Variants in RPS6KA2 observed in about 807,000 individuals in gnomAD.
RPS6KA2 encodes the protein ribosomal protein S6 kinase A2, also known as ribosomal protein S6 kinase alpha-2.
Under a neutral mutation model 91.8 loss-of-function variants are expected in RPS6KA2, and 42 were observed. That is an observed-to-expected ratio of 0.46 (90% CI 0.36 to 0.59). The LOEUF (loss-of-function observed/expected upper bound fraction) is 0.59, where lower values mean the gene tolerates loss of function less well. RPS6KA2 is among the 20% of genes least tolerant of loss of function. RPS6KA2 has a pLI of 0.00. For missense variants in RPS6KA2, 798 were observed against 978.5 expected (o/e 0.82, Z 2.46); for synonymous variants, 414 against 393.6 (o/e 1.05, Z -0.61).
chr6:166,576,078 G>A lies in RPS6KA2; in HGVS notation c.100-37294C>T, dbSNP rs567310040. ...TCAGGAGATGTGATGGGTTTATCAG[G>A]GGCTTCTGCCTTTGCTTCTTTCTCA... On this transcript the variant is annotated intron_variant, in intron 1 of 20. Transcript: ENST00000265678. Among the ~76,000 whole-genome samples, 9 of 152,206 alleles carry A rather than the reference G, an allele frequency of 5.9e-5. No homozygotes were observed. The South Asian group carries it at 1.0e-3, about 18-fold the overall frequency.
At chr6:166,775,865 G>A (rs998983368) in intron 2 of RPS6KA2, among the ~76,000 whole-genome samples, 3 of 152,256 alleles carry the variant, frequency 2.0e-5, no homozygotes, top group Non-Finnish European at 2.9e-5. Flanking sequence ...AGGCAAAGGC[G>A]CACAGAGAGG....
chr6:166,465,756 G>GTT (rs1562513075), intron 11 of RPS6KA2, among the ~76,000 whole-genome samples: 2 of 152,184 alleles, frequency 1.3e-5, no homozygotes, highest in African/African-American at 4.8e-5. Context: ...GGATGATGGC[G>GTT]TTATGGGACA....
Position 166,420,044 on chromosome 6 carries a change from G to A in RPS6KA2, c.1744-86C>T, listed in dbSNP as rs553176915. ...CGTTTCTCCAGCGGCATCCTACGCC[G>A]GCAAGCTGGGGACCAGGAGGAGGGC... On this transcript the variant is annotated intron_variant, in intron 17 of 20. Transcript: ENST00000265678. 64 of 1,264,596 alleles carry A rather than the reference G, an allele frequency of 5.1e-5. 1 individual carries two copies. In the Admixed American group the frequency reaches 8.1e-4, roughly 16 times the overall value. 78.3% of individuals were successfully genotyped at this position (1,264,596 alleles called of 1,614,324 possible).
At chr6:166,736,117 G>A (rs78552798) in intron 2 of RPS6KA2, among the ~76,000 whole-genome samples, 2,248 of 152,278 alleles carry the variant, frequency 0.015, 25 homozygotes, top group Non-Finnish European at 0.02. Context: ...AAGTAAGTTG[G>A]ACATAAAATC....
intron 2 of RPS6KA2, among the ~76,000 whole-genome samples, chr6:166,681,684 CT>C (rs1788812865): frequency 1.0e-4 from 3 of 30,014 alleles, no homozygotes; most frequent in African/African-American, 6.1e-4. Flanking sequence ...GGATCTCCCC[CT>C]GCCCGCCCCC....
intron 2 of RPS6KA2, among the ~76,000 whole-genome samples, chr6:166,738,256 A>G (rs997116323): frequency 2.6e-5 from 4 of 152,262 alleles, no homozygotes; most frequent in African/African-American, 9.6e-5. Context: ...CCTGAAAGCC[A>G]CTGTTTTGGA....
Position 166,860,954 on chromosome 6 carries a change from TC to T in RPS6KA2, c.63+1153del, listed in dbSNP as rs147386805. Among the ~76,000 whole-genome samples, 227 of 152,270 alleles carry T rather than the reference TC, an allele frequency of 1.5e-3. 1 individual carries two copies. Among genetic ancestry groups the T allele is most frequent in the African/African-American group, 5.2e-3 (215 of 41,554 alleles). On this transcript the variant is annotated intron_variant, in intron 1 of 21. Coordinates refer to the RPS6KA2 transcript ENST00000503859. ...GTAGGGAGCCCTGGTGTCATCCTTCTCCCACCCCAGGTACTTTCCATGAGCA... is the reference window on the plus strand; with the variant it reads ...GTAGGGAGCCCTGGTGTCATCCTTCTCCACCCCAGGTACTTTCCATGAGCA...
At chr6:166,620,850 G>A (rs1456564827) in intron 1 of RPS6KA2, among the ~76,000 whole-genome samples, 1 of 152,248 alleles carries the variant, frequency 6.6e-6, no homozygotes. Flanking sequence ...TCAGTGGTTT[G>A]GCAAGGGAGA....
Position 166,437,423 on chromosome 6 carries a change from C to A in RPS6KA2, c.1333-4933G>T, listed in dbSNP as rs1238883795. On this transcript the variant is annotated intron_variant, in intron 14 of 20. Coordinates refer to ENST00000265678, the MANE Select transcript of RPS6KA2 (RefSeq NM_021135.6). This position sits in a 1 kb window ranked among gnomAD's most constrained non-coding sequence, Gnocchi z 4.3. ...ACAAGGCCTCCCCTCCAGGCTGACGCTCAAATAATGCTGACGCGCCACGGA... is the reference window on the plus strand; with the variant it reads ...ACAAGGCCTCCCCTCCAGGCTGACGATCAAATAATGCTGACGCGCCACGGA... Among the ~76,000 whole-genome samples, 4 of 152,200 alleles carry A rather than the reference C, an allele frequency of 2.6e-5. No homozygotes were observed. Among genetic ancestry groups the A allele is most frequent in the African/African-American group, 9.6e-5 (4 of 41,462 alleles).
chr6:166,734,391 G>A (rs1790614613), intron 2 of RPS6KA2, among the ~76,000 whole-genome samples: 2 of 152,156 alleles, frequency 1.3e-5, no homozygotes, highest in Non-Finnish European at 2.9e-5. Flanking sequence ...CTACCCAAAC[G>A]GAAGAGCAAT....
chr6:166,545,833 A>C (rs188510318), intron 1 of RPS6KA2, among the ~76,000 whole-genome samples: 1 of 152,348 alleles, frequency 6.6e-6, no homozygotes, highest in African/African-American at 2.4e-5. Flanking sequence ...AGTTGTGCTT[A>C]TAAACGGTGA....
At chr6:166,725,389 G>C (rs1790303782) in intron 2 of RPS6KA2, among the ~76,000 whole-genome samples, 1 of 152,200 alleles carries the variant, frequency 6.6e-6, no homozygotes, top group African/African-American at 2.4e-5. Context: ...TAATGACAGA[G>C]ACTAGGTAGG....
At chr6:166,440,369 A>G (rs1412364373) in intron 14 of RPS6KA2, 1 of 152,242 alleles carries the variant, frequency 6.6e-6, no homozygotes, top group African/African-American at 2.4e-5. Context: ...AAACAAAACC[A>G]TAAGCCAATC....
chr6:166,514,172 C>T (rs1054603756), intron 3 of RPS6KA2, among the ~76,000 whole-genome samples: 6 of 152,182 alleles, frequency 3.9e-5, no homozygotes. Context: ...GCCGCTTGGC[C>T]TCAAATTCCT....
intron 2 of RPS6KA2, among the ~76,000 whole-genome samples, chr6:166,680,451 T>C (rs973836344): frequency 6.6e-6 from 1 of 152,218 alleles, no homozygotes; most frequent in East Asian, 1.9e-4. Context: ...CTGGTCCCCT[T>C]CCACGTTGTG....
chr6:166,717,334 C>T (rs189740013), intron 2 of RPS6KA2, among the ~76,000 whole-genome samples: 7 of 152,256 alleles, frequency 4.6e-5, no homozygotes, highest in Admixed American at 3.9e-4. Flanking sequence ...GGCCCAGGTG[C>T]GCTGTAGGAG....
At chr6:166,812,550 C>G (rs894089395) in intron 2 of RPS6KA2, among the ~76,000 whole-genome samples, 1 of 152,026 alleles carries the variant, frequency 6.6e-6, no homozygotes, top group African/African-American at 2.4e-5. Context: ...GGGCCCTGTA[C>G]TTATTTAGTG....
At position 166,495,847 on chromosome 6, in the gene RPS6KA2, C is replaced by A. The variant is rs940289403; in HGVS notation, c.747+2661G>T. ...CAACCCGGCCAGGGTCAGCAAAGGC[C>A]ACTGGGAGTGGTGCTTCTGTCTTAG... On this transcript the variant is annotated intron_variant, in intron 8 of 20. Coordinates refer to ENST00000265678, the MANE Select transcript of RPS6KA2 (RefSeq NM_021135.6). This position sits in a 1 kb window ranked among gnomAD's most constrained non-coding sequence, Gnocchi z 4.4. 1.3e-5 allele frequency among the ~76,000 whole-genome samples: 2 copies of A among 152,206 alleles called. No homozygotes were observed. Among genetic ancestry groups the A allele is most frequent in the Non-Finnish European group, 2.9e-5 (2 of 68,032 alleles).
At chr6:166,829,318 G>A (rs898157984) in intron 2 of RPS6KA2, among the ~76,000 whole-genome samples, 4 of 152,154 alleles carry the variant, frequency 2.6e-5, no homozygotes, top group South Asian at 2.1e-4. Flanking sequence ...TCGGCCGGGC[G>A]CGGTGGCTCA....
Sources: allele counts gnomAD v4.1 joint callset (sites outside exome capture counted in the v4.1 genomes callset), GRCh38; gene constraint gnomAD v4.1.1; non-coding constraint Gnocchi (gnomAD v3.1); transcripts MANE v1.5; gene names NCBI Gene and HGNC (gene_info 2026-07-23, HGNC 2026-07-21).